FGF12: variants seen among roughly 807,000 people sequenced by gnomAD.
FGF12 encodes fibroblast growth factor 12.
In FGF12, 14 loss-of-function variants were observed where a neutral mutation model predicts 23.6. The ratio of observed to expected loss-of-function variants is 0.59; its 90% CI spans 0.39 to 0.93. The LOEUF is 0.93. Among genes scored for constraint, FGF12 ranks in the 40% least tolerant of loss-of-function variants. The pLI, the probability that FGF12 is intolerant of heterozygous loss-of-function variation, is 0.00. For missense variants in FGF12, 175 were observed against 217.8 expected, an observed-to-expected ratio of 0.80 and a Z score of 1.24; for synonymous variants, 62 against 77.3, an observed-to-expected ratio of 0.80 and a Z score of 1.04.
chr3:192,248,968 A>G (rs934258467), intron 4 of FGF12, among the ~76,000 whole-genome samples: 11 of 152,200 alleles, frequency 7.2e-5, no homozygotes, highest in Non-Finnish European at 5.9e-5. Flanking sequence ...AGTTTTGAAT[A>G]GTTTTAACAA....
chr3:192,251,974 C>T (rs537282170), intron 4 of FGF12, among the ~76,000 whole-genome samples: 5 of 152,120 alleles, frequency 3.3e-5, no homozygotes, highest in South Asian at 2.1e-4. Flanking sequence ...ACAAGAAACA[C>T]GTATCGTTAT....
In FGF12 at chr3:192,716,111, AGACTAGCAGCATC is replaced by A. The variant is rs568343784; in HGVS notation, c.13+11057_13+11069del. On this transcript the variant is annotated intron_variant, in intron 2 of 5. Transcript: ENST00000445105. The stretch of plus-strand genomic sequence containing the variant: ...CTACACCAGGTTTTCTCAAAGATCT[AGACTAGCAGCATC>A]AACACCTTCTGGGAACTTGTAGAAA... Among the ~76,000 whole-genome samples, 252 of 152,366 alleles carry A rather than the reference AGACTAGCAGCATC, an allele frequency of 1.7e-3. 2 individuals are homozygous for A. Among genetic ancestry groups the A allele is most frequent in the African/African-American group, 5.9e-3 (246 of 41,584 alleles).
At chr3:192,329,695 T>C (rs1717007522) in intron 4 of FGF12, among the ~76,000 whole-genome samples, 1 of 152,186 alleles carries the variant, frequency 6.6e-6, no homozygotes, top group Admixed American at 6.5e-5. Flanking sequence ...TTAGGTGGTC[T>C]TACAAGTTTT....
intron 2 of FGF12, among the ~76,000 whole-genome samples, chr3:192,663,285 G>A (rs1209293150): frequency 1.3e-5 from 2 of 152,206 alleles, no homozygotes; most frequent in Non-Finnish European, 2.9e-5. Context: ...GGGAATATTT[G>A]AGTATCAATT....
At position 192,667,501 on chromosome 3, in the gene FGF12, C is replaced by T. The variant is rs1308506642; in HGVS notation, c.13+59680G>A. Among the ~76,000 whole-genome samples the T allele has an allele frequency of 1.1e-4, 17 of 150,770 alleles. No homozygotes were observed. The East Asian group carries it at 3.3e-3, about 29-fold the overall frequency. On this transcript the variant is annotated intron_variant, in intron 2 of 5. Transcript: ENST00000445105. ...GGCGTGTACCTGTAGTCTCAGCTACCCGGAAGGCTGCGGCAGGAGCATCAC... is the reference window on the plus strand; with the variant it reads ...GGCGTGTACCTGTAGTCTCAGCTACTCGGAAGGCTGCGGCAGGAGCATCAC...
intron 2 of FGF12, among the ~76,000 whole-genome samples, chr3:192,492,572 G>GT (rs1221275428): frequency 6.6e-6 from 1 of 151,914 alleles, no homozygotes; most frequent in Non-Finnish European, 1.5e-5. Context: ...AGATGAAACT[G>GT]TTAAAAAAAA....
intron 4 of FGF12, among the ~76,000 whole-genome samples, chr3:192,201,836 C>T (rs1177052353): frequency 6.6e-6 from 1 of 152,144 alleles, no homozygotes; most frequent in Non-Finnish European, 1.5e-5. Context: ...AATGACTTTG[C>T]TAATAACAGC....
At chr3:192,256,457 A>G (rs1161846677) in intron 4 of FGF12, among the ~76,000 whole-genome samples, 2 of 151,656 alleles carry the variant, frequency 1.3e-5, no homozygotes, top group Non-Finnish European at 2.9e-5. Context: ...ACTTATAAAT[A>G]TAAATTGTAC....
chr3:192,142,933 AGG>A lies in FGF12; in HGVS notation c.*1074_*1075del, dbSNP rs751993832. On this transcript the variant is annotated 3_prime_UTR_variant, in exon 6 of 6. Coordinates refer to ENST00000445105, the MANE Select transcript of FGF12 (RefSeq NM_004113.6). The stretch of plus-strand genomic sequence containing the variant: ...TAAAAAACAATATAAGACTGTGGTA[AGG>A]TACAAACGCAAATGCAATTTGCGTT... 9 of 152,130 alleles carry A rather than the reference AGG, an allele frequency of 5.9e-5. No individual in the cohort carries two copies. The highest frequency in any genetic ancestry group is 1.3e-4 in the Non-Finnish European group (9 of 67,992). 9.4% of individuals were successfully genotyped at this position (152,130 alleles called of 1,614,324 possible). A position where few individuals can be genotyped will look rare whatever the true frequency, so the allele number is the denominator to read the frequency against.
At chr3:192,710,492 T>C (rs1258080446) in intron 2 of FGF12, among the ~76,000 whole-genome samples, 1 of 152,168 alleles carries the variant, frequency 6.6e-6, no homozygotes, top group Non-Finnish European at 1.5e-5. Context: ...GGTGAAGATA[T>C]ATTTTTCAGA....
chr3:192,687,389 G>A (rs777186387), intron 2 of FGF12, among the ~76,000 whole-genome samples: 1 of 151,942 alleles, frequency 6.6e-6, no homozygotes, highest in Non-Finnish European at 1.5e-5. Flanking sequence ...CATAACAGTG[G>A]CCAATGACCA....
intron 4 of FGF12, among the ~76,000 whole-genome samples, chr3:192,271,619 C>T (rs866135496): frequency 6.6e-6 from 1 of 152,174 alleles, no homozygotes; most frequent in Admixed American, 6.6e-5. Context: ...ATCTTCCAAC[C>T]TTTACTTAAT....
At chr3:192,723,824 G>A (rs1240609145) in intron 2 of FGF12, among the ~76,000 whole-genome samples, 1 of 145,056 alleles carries the variant, frequency 6.9e-6, no homozygotes, top group Non-Finnish European at 1.5e-5. Context: ...TGTGATATAG[G>A]TGGGGGTCAG....
intron 2 of FGF12, among the ~76,000 whole-genome samples, chr3:192,584,297 C>T (rs1713283487): frequency 1.2e-5 from 1 of 82,636 alleles, no homozygotes; most frequent in Admixed American, 1.6e-4. Flanking sequence ...GTATGCCGAT[C>T]TTCTTCGGCC....
chr3:192,426,364 T>C (rs1044776037), intron 2 of FGF12, among the ~76,000 whole-genome samples: 1 of 152,218 alleles, frequency 6.6e-6, no homozygotes, highest in African/African-American at 2.4e-5. Flanking sequence ...ATGAGCCTCA[T>C]AGTATTGTCA....
intron 2 of FGF12, among the ~76,000 whole-genome samples, chr3:192,474,580 C>T (rs1202112107): frequency 6.6e-6 from 1 of 151,842 alleles, no homozygotes; most frequent in Non-Finnish European, 1.5e-5. Flanking sequence ...GCAGCCATGC[C>T]CAAAAGGTAT....
At chr3:192,567,875 C>T (rs971978850) in intron 2 of FGF12, among the ~76,000 whole-genome samples, 5 of 150,286 alleles carry the variant, frequency 3.3e-5, no homozygotes, top group Non-Finnish European at 5.9e-5. Context: ...TCTTGTCGTC[C>T]AGGCTGGAGT....
intron 4 of FGF12, among the ~76,000 whole-genome samples, chr3:192,277,675 A>T (rs1471440610): frequency 6.6e-6 from 1 of 152,154 alleles, no homozygotes; most frequent in Non-Finnish European, 1.5e-5. Flanking sequence ...CCTTGCGTGT[A>T]TTCAGAGCAC....
At chr3:192,381,561 C>T (rs1199431489) in intron 2 of FGF12, among the ~76,000 whole-genome samples, 2 of 152,136 alleles carry the variant, frequency 1.3e-5, no homozygotes, top group Non-Finnish European at 2.9e-5. Flanking sequence ...GAGAAGTGTT[C>T]TGAAGGAGTC....
Sources: allele counts gnomAD v4.1 joint callset (sites outside exome capture counted in the v4.1 genomes callset), GRCh38; gene constraint gnomAD v4.1.1; transcripts MANE v1.5; gene names NCBI Gene and HGNC (gene_info 2026-07-23, HGNC 2026-07-21).